Variants in MTHFD1L observed in about 807,000 individuals in gnomAD.
MTHFD1L encodes methylenetetrahydrofolate dehydrogenase (NADP+ dependent) 1 like.
In MTHFD1L, 81 loss-of-function variants were observed where a neutral mutation model predicts 119.5. That is an observed-to-expected ratio of 0.68 (90% CI 0.57 to 0.82). The LOEUF (loss-of-function observed/expected upper bound fraction) is 0.82, where lower values mean the gene tolerates loss of function less well. Ranked by LOEUF, MTHFD1L falls within the 40% of genes least tolerant of loss-of-function variation. MTHFD1L has a pLI of 0.00. For synonymous variants in MTHFD1L, 430 were observed against 475.2 expected (o/e 0.90, Z 1.24); for missense variants, 1,125 against 1,253.4 (o/e 0.90, Z 1.55).
intron 26 of MTHFD1L, among the ~76,000 whole-genome samples, chr6:151,054,279 G>A (rs1789539220): frequency 1.3e-5 from 2 of 152,310 alleles, no homozygotes; most frequent in South Asian, 4.1e-4. Flanking sequence ...TTCATGAAGA[G>A]TAATAAAGTT....
At chr6:151,079,738 C>G (rs1177351387) in intron 26 of MTHFD1L, among the ~76,000 whole-genome samples, 1 of 151,810 alleles carries the variant, frequency 6.6e-6, no homozygotes, top group African/African-American at 2.4e-5. Context: ...ATCTGCCCAC[C>G]TCGGCCTCCC....
chr6:151,099,118 G>C (rs1303490158), intron 27 of MTHFD1L, among the ~76,000 whole-genome samples: 1 of 150,418 alleles, frequency 6.6e-6, no homozygotes, highest in Non-Finnish European at 1.5e-5. Flanking sequence ...GAAGGTTGCA[G>C]TGAGCTGATA....
intron 6 of MTHFD1L, 143 bp downstream of exon 6, chr6:150,885,877 A>G (rs553750170): frequency 9.3e-5 from 57 of 616,182 alleles, no homozygotes; most frequent in African/African-American, 8.9e-4. Flanking sequence ...AGAAGATTCT[A>G]ATTGAACATA....
At chr6:151,075,480 C>T (rs1792394079) in intron 26 of MTHFD1L, among the ~76,000 whole-genome samples, 1 of 151,250 alleles carries the variant, frequency 6.6e-6, no homozygotes, top group Non-Finnish European at 1.5e-5. Flanking sequence ...AATAACAGAG[C>T]ATCAACATAA....
chr6:150,920,215 C>G (rs1250243633), intron 9 of MTHFD1L, among the ~76,000 whole-genome samples: 1 of 152,150 alleles, frequency 6.6e-6, no homozygotes, highest in Non-Finnish European at 1.5e-5. Flanking sequence ...ATCACTAAGT[C>G]CAGTTCACAT....
At chr6:151,028,435 C>T (rs183239272) in intron 24 of MTHFD1L, among the ~76,000 whole-genome samples, 422 of 152,202 alleles carry the variant, frequency 2.8e-3, no homozygotes, top group Non-Finnish European at 4.7e-3. Context: ...TGTCTGTCAG[C>T]GGGGATCAGC....
intron 20 of MTHFD1L, among the ~76,000 whole-genome samples, chr6:150,994,373 C>T (rs981179268): frequency 6.6e-6 from 1 of 152,176 alleles, no homozygotes; most frequent in African/African-American, 2.4e-5. Flanking sequence ...CCATACTTAG[C>T]TGCAAGACAA....
intron 26 of MTHFD1L, among the ~76,000 whole-genome samples, chr6:151,076,649 T>TA (rs36053787): frequency 0.27 from 32,076 of 116,642 alleles, 3,987 homozygotes; most frequent in South Asian, 0.35. Flanking sequence ...ATACTCTGTC[T>TA]AAAAAAAAAA....
intron 24 of MTHFD1L, among the ~76,000 whole-genome samples, chr6:151,016,159 C>T (rs1783020032): frequency 6.6e-6 from 1 of 152,088 alleles, no homozygotes; most frequent in South Asian, 2.1e-4. Flanking sequence ...AAGTACAGAC[C>T]CTAGCTCCTT....
At position 150,926,550 on chromosome 6, in the gene MTHFD1L, AC is replaced by A. The variant is rs1031163218; in HGVS notation, c.1256+259del. Among the ~76,000 whole-genome samples the A allele has an allele frequency of 1.8e-4, 27 of 152,238 alleles. 1 individual carries two copies. The highest frequency in any genetic ancestry group is 1.3e-3 in the Admixed American group (20 of 15,278). On this transcript the variant is annotated intron_variant, in intron 11 of 27. Coordinates refer to ENST00000367321, the MANE Select transcript of MTHFD1L (RefSeq NM_015440.5). This position sits in a 1 kb window ranked among gnomAD's most constrained non-coding sequence, Gnocchi z 4.3. The stretch of plus-strand genomic sequence containing the variant: ...TTGTTTCTCATATTATGTTGTTATT[AC>A]CCCTGCTCCTCCTTGACTTTTTGAA...
intron 26 of MTHFD1L, among the ~76,000 whole-genome samples, chr6:151,078,315 G>A (rs1284465705): frequency 2.0e-5 from 3 of 152,112 alleles, no homozygotes; most frequent in Non-Finnish European, 4.4e-5. Context: ...GTGGTGGCCT[G>A]TAGTCCTAGC....
rs1278027427 is a variant in MTHFD1L at position 150,943,022 on chromosome 6, C to T, written c.1441-1464C>T. ...CAAAGGCCGGATGTGGTGGCTCATG[C>T]CTGTAATCCCAGCACTTTGGGAGTC... On this transcript the variant is annotated intron_variant, in intron 13 of 27. Transcript: ENST00000367321. 2.0e-5 allele frequency among the ~76,000 whole-genome samples: 3 copies of T among 152,178 alleles called. No homozygotes were observed. In the East Asian group the frequency reaches 5.8e-4, roughly 29 times the overall value.
chr6:151,061,548 G>C (rs1041961879), intron 26 of MTHFD1L, among the ~76,000 whole-genome samples: 5 of 152,206 alleles, frequency 3.3e-5, no homozygotes, highest in African/African-American at 1.2e-4. Flanking sequence ...ACTCAGGCCT[G>C]CTACATTATT....
intron 17 of MTHFD1L, among the ~76,000 whole-genome samples, chr6:150,958,958 C>T (rs1771818): frequency 0.28 from 43,135 of 151,892 alleles, 6,453 homozygotes; most frequent in East Asian, 0.49. Context: ...ATTTACACAG[C>T]TAATATTTCA....
intron 11 of MTHFD1L, among the ~76,000 whole-genome samples, chr6:150,928,553 T>C (rs1037502332): frequency 1.1e-4 from 16 of 140,728 alleles, no homozygotes; most frequent in African/African-American, 4.4e-4. Flanking sequence ...TTTGTGTAGC[T>C]TTTCTTTTTT....
chr6:151,062,558 A>T (rs1790768636), intron 26 of MTHFD1L, among the ~76,000 whole-genome samples: 1 of 152,194 alleles, frequency 6.6e-6, no homozygotes, highest in African/African-American at 2.4e-5. Flanking sequence ...CCCTCAAGTT[A>T]CTTATATTCT....
intron 11 of MTHFD1L, among the ~76,000 whole-genome samples, chr6:150,928,433 CAAAAAAAAAAAAAA>C (rs540059318): frequency 2.8e-5 from 2 of 70,946 alleles, no homozygotes; most frequent in African/African-American, 1.0e-4. Context: ...AAGACTGTCT[CAAAAAAAAAAAAAA>C]AAAAAAAAAA....
intron 10 of MTHFD1L, among the ~76,000 whole-genome samples, chr6:150,923,534 TTTA>T (rs1482161063): frequency 1.4e-4 from 18 of 130,800 alleles, no homozygotes; most frequent in African/African-American, 5.3e-4. Context: ...TATTTATTTA[TTTA>T]TTTTTTCTTT....
chr6:151,099,806 G>T, intron 27 of MTHFD1L: 5 of 1,605,580 alleles, frequency 3.1e-6, no homozygotes, highest in Non-Finnish European at 4.2e-6. Flanking sequence ...TGCAACAATC[G>T]TACTTGTGCC....
Sources: allele counts gnomAD v4.1 joint callset (sites outside exome capture counted in the v4.1 genomes callset), GRCh38; gene constraint gnomAD v4.1.1; non-coding constraint Gnocchi (gnomAD v3.1); transcripts MANE v1.5; gene names NCBI Gene and HGNC (gene_info 2026-07-23, HGNC 2026-07-21).